SHPRH: variants seen among roughly 807,000 people sequenced by gnomAD.
SHPRH encodes the protein SNF2 histone linker PHD RING helicase.
Under a neutral mutation model 202.5 loss-of-function variants are expected in SHPRH, and 106 were observed. The observed-to-expected ratio is 0.52, with a 90% CI of 0.45 to 0.62. SHPRH has a LOEUF of 0.62. Ranked by LOEUF, SHPRH falls within the 20% of genes least tolerant of loss-of-function variation. The pLI is 0.00. For synonymous variants in SHPRH, 729 were observed against 686.0 expected (o/e 1.06, Z -0.98); for missense variants, 1,710 against 2,020.0 (o/e 0.85, Z 2.94).
intron 9 of SHPRH, among the ~76,000 whole-genome samples, chr6:145,942,353 G>T (rs537967838): frequency 6.6e-6 from 1 of 152,264 alleles, no homozygotes; most frequent in African/African-American, 2.4e-5. Flanking sequence ...TAATTCTGTT[G>T]GTGGTTGTTA....
intron 11 of SHPRH, among the ~76,000 whole-genome samples, chr6:145,936,583 T>C (rs1786092931): frequency 6.6e-6 from 1 of 152,152 alleles, no homozygotes. Flanking sequence ...CACCTCAGCC[T>C]CCCAAAGTGC....
chr6:145,910,780 AT>A (rs1344434170), intron 24 of SHPRH, 144 bp from the exon 25 acceptor site: 3 of 797,636 alleles, frequency 3.8e-6, no homozygotes, highest in Non-Finnish European at 5.5e-6. Context: ...GTGCCTTCAA[AT>A]TAATTTTTTA....
downstream of SHPRH, chr6:145,862,716 T>A (rs564713259): frequency 2.0e-5 from 3 of 152,384 alleles, no homozygotes; most frequent in South Asian, 2.1e-4. Context: ...GTTCTGAATG[T>A]GTGAGGTACT....
intron 7 of SHPRH, 120 bp from the exon 8 acceptor site, chr6:145,945,757 T>A: frequency 6.4e-6 from 7 of 1,086,346 alleles, no homozygotes; most frequent in Non-Finnish European, 8.6e-6. Context: ...AAAGATTTAT[T>A]ACAGCAGAGT....
chr6:145,870,844 G>C (rs970995054), intron 2 of SHPRH: 1 of 152,252 alleles, frequency 6.6e-6, no homozygotes, highest in East Asian at 1.9e-4. Context: ...AATTTACTAA[G>C]AGTGTTTATT....
rs144188964 is a variant in SHPRH, at chr6:145,927,576, G to C, written c.3113-299C>G. On this transcript the variant is annotated intron_variant, in intron 14 of 29. Transcript: ENST00000275233. ...TGTAATGTTTTGAGATTATGCTATT[G>C]GATAAACTTTTAATTTAGACAAAAA... is the stretch of plus-strand genomic sequence containing the variant. 1.8e-3 allele frequency among the ~76,000 whole-genome samples: 271 copies of C among 151,284 alleles called. 2 individuals are homozygous for C. The highest frequency in any genetic ancestry group is 6.4e-3 in the African/African-American group (263 of 41,320).
intron 2 of SHPRH, among the ~76,000 whole-genome samples, chr6:145,875,085 G>T (rs903373344): frequency 2.0e-5 from 3 of 152,122 alleles, no homozygotes; most frequent in African/African-American, 7.2e-5. Context: ...TGCTCAACCA[G>T]TAAGCACATA....
intron 25 of SHPRH, chr6:145,904,947 C>T (rs1782824577): frequency 6.6e-6 from 1 of 152,076 alleles, no homozygotes; most frequent in South Asian, 2.1e-4. Flanking sequence ...GCACATGTAA[C>T]TGTGCCAATC....
intron 13 of SHPRH, 43 bp downstream of exon 13, chr6:145,934,864 T>G: frequency 1.3e-6 from 2 of 1,553,384 alleles, no homozygotes; most frequent in Non-Finnish European, 1.7e-6. Context: ...TATTGTCTAT[T>G]ATGATATACC....
intron 14 of SHPRH, among the ~76,000 whole-genome samples, chr6:145,928,728 G>C (rs1301149756): frequency 6.6e-6 from 1 of 151,814 alleles, no homozygotes; most frequent in African/African-American, 2.4e-5. Flanking sequence ...AATAAATTTT[G>C]CAACAATAGC....
intron 25 of SHPRH, among the ~76,000 whole-genome samples, chr6:145,898,719 A>T (rs1782229129): frequency 1.3e-5 from 2 of 152,088 alleles, no homozygotes; most frequent in Admixed American, 1.3e-4. Context: ...TGCTACCCCT[A>T]TGACCTCCGC....
Position 145,891,939 on chromosome 6 carries a change from CAT to C in SHPRH, c.4874+1274_4874+1275del, listed in dbSNP as rs1781603171. ...GAAAACCAACAAAAAACAAGTAAGA[CAT>C]GACTGCATTTTAAATGCCACTTGGT... is the stretch of plus-strand genomic sequence containing the variant. On this transcript the variant is annotated intron_variant, in intron 28 of 29. Coordinates refer to ENST00000275233, the MANE Select transcript of SHPRH (RefSeq NM_001042683.3). Among the ~76,000 whole-genome samples the C allele has an allele frequency of 3.9e-5, 6 of 152,124 alleles. 1 individual carries two copies. The South Asian group carries it at 1.2e-3, about 31-fold the overall frequency.
chr6:145,874,431 G>A (rs1020920565), intron 2 of SHPRH, among the ~76,000 whole-genome samples: 1 of 151,980 alleles, frequency 6.6e-6, no homozygotes, highest in East Asian at 1.9e-4. Flanking sequence ...TAAAGACTTT[G>A]AGTGTATTTG....
intron 25 of SHPRH, chr6:145,909,215 A>T (rs1022443733): frequency 3.3e-5 from 5 of 152,050 alleles, no homozygotes; most frequent in Admixed American, 1.3e-4. Context: ...TCACAATTAT[A>T]ACACATTATT....
chr6:145,861,007 A>G (rs528999542), downstream of SHPRH, among the ~76,000 whole-genome samples: 207 of 152,260 alleles, frequency 1.4e-3, no homozygotes, highest in African/African-American at 4.0e-3. Context: ...AAATACTTAC[A>G]TGTAGAACTG....
At chr6:145,859,773 A>T (rs778849717), downstream of SHPRH, among the ~76,000 whole-genome samples, 5 of 152,018 alleles carry the variant, frequency 3.3e-5, no homozygotes, top group Non-Finnish European at 7.4e-5. Flanking sequence ...TGGGCTGTAG[A>T]TACCATAATG....
the SHPRH span, among the ~76,000 whole-genome samples, chr6:145,858,252 A>C: frequency 6.6e-6 from 1 of 152,164 alleles, no homozygotes; most frequent in Non-Finnish European, 1.5e-5. Flanking sequence ...TTACACAAAG[A>C]CTTATTCATG....
At chr6:145,944,144 A>T (rs1787107282) in intron 8 of SHPRH, among the ~76,000 whole-genome samples, 1 of 152,222 alleles carries the variant, frequency 6.6e-6, no homozygotes, top group Non-Finnish European at 1.5e-5. Context: ...TATACAAATC[A>T]GGGCAACTAC....
At chr6:145,875,731 T>C (rs1328750676) in intron 2 of SHPRH, among the ~76,000 whole-genome samples, 7 of 152,334 alleles carry the variant, frequency 4.6e-5, no homozygotes, top group Non-Finnish European at 1.0e-4. Flanking sequence ...ACTTTATGCA[T>C]TGGCTGGTCA....
Sources: allele counts gnomAD v4.1 joint callset (sites outside exome capture counted in the v4.1 genomes callset), GRCh38; gene constraint gnomAD v4.1.1; transcripts MANE v1.5; gene names NCBI Gene and HGNC (gene_info 2026-07-23, HGNC 2026-07-21).